Variants in MADD observed in about 807,000 individuals in gnomAD.
The protein encoded by MADD is MAP kinase activating death domain.
MADD carries 109 observed loss-of-function variants against 176.7 expected under a neutral mutation model. The observed-to-expected ratio is 0.62, with a 90% CI of 0.53 to 0.72. MADD has a LOEUF of 0.72. Among genes scored for constraint, MADD ranks in the 30% least tolerant of loss-of-function variants. MADD has a pLI of 0.00. For synonymous variants in MADD, 771 were observed against 771.3 expected (o/e 1.00, Z 0.01); for missense variants, 1,914 against 2,045.5 (o/e 0.94, Z 1.24).
intron 23 of MADD, 48 bp downstream of exon 26, chr11:47,309,090 G>A: frequency 6.2e-7 from 1 of 1,604,560 alleles, no homozygotes. Flanking sequence ...TCCTTGGGAG[G>A]GACTGGGCCT....
At chr11:47,275,331 G>A (rs1036152069) in intron 3 of MADD, among the ~76,000 whole-genome samples, 172 bp downstream of exon 3, 1 of 152,192 alleles carries the variant, frequency 6.6e-6, no homozygotes, top group Non-Finnish European at 1.5e-5. Context: ...TCGCTCTGTT[G>A]CCCAGGCTGG....
At chr11:47,310,328 T>C (rs1414011329) in intron 25 of MADD, among the ~76,000 whole-genome samples, 4 of 150,246 alleles carry the variant, frequency 2.7e-5, no homozygotes, top group African/African-American at 7.4e-5. Context: ...ATTACAGGCA[T>C]CTACCACCAT....
chr11:47,316,385 CT>C (rs1008702414), intron 27 of MADD, among the ~76,000 whole-genome samples: 29 of 130,188 alleles, frequency 2.2e-4, no homozygotes, highest in East Asian at 4.2e-4. Context: ...TTTTCTTTTT[CT>C]TTTTTTTTTT....
intron 27 of MADD, among the ~76,000 whole-genome samples, chr11:47,315,550 C>G (rs1395415582): frequency 6.6e-6 from 1 of 152,094 alleles, no homozygotes; most frequent in Non-Finnish European, 1.5e-5. Flanking sequence ...TCTCGGCTCA[C>G]TGCAACCTCC....
At chr11:47,311,834 G>A (rs1304007907) in exon 26 of MADD, 1 of 1,612,326 alleles carries the variant, frequency 6.2e-7, no homozygotes, top group Non-Finnish European at 8.5e-7. Flanking sequence ...TGATCAGCTG[G>A]CGAACCTGGT....
chr11:47,285,008 T>C (rs1346502847), exon 13 of MADD: 2 of 1,614,092 alleles, frequency 1.2e-6, no homozygotes, highest in Non-Finnish European at 1.7e-6. Context: ...CTCCCTTCCG[T>C]GCCTCCCAGC....
chr11:47,291,394 A>G (rs1370483461), intron 19 of MADD, among the ~76,000 whole-genome samples: 1 of 152,124 alleles, frequency 6.6e-6, no homozygotes, highest in African/African-American at 2.4e-5. Context: ...CTCCGTTCCC[A>G]CAAAGGCAGT....
intron 5 of MADD, among the ~76,000 whole-genome samples, chr11:47,277,222 A>G (rs569651402): frequency 2.6e-5 from 4 of 152,326 alleles, no homozygotes; most frequent in African/African-American, 4.8e-5. Context: ...TTTTCTATAC[A>G]TATATACCGG....
At chr11:47,324,515 G>A in exon 30 of MADD, 15 of 1,614,156 alleles carry the variant, frequency 9.3e-6, no homozygotes, top group Non-Finnish European at 1.3e-5. Flanking sequence ...CCTGAAGACT[G>A]GTGAGGGTGG....
chr11:47,284,442 TC>T lies in MADD; in HGVS notation c.2035del (p.Gln679ArgfsTer55). The T allele has an allele frequency of 6.2e-7, 1 of 1,613,856 alleles. No homozygotes were observed. The highest frequency in any genetic ancestry group is 1.1e-5 in the South Asian group (1 of 91,078). On this transcript the variant is annotated frameshift_variant, in exon 12 of 33. Coordinates refer to ENST00000402192, the Ensembl canonical transcript of MADD. LOFTEE classifies it high-confidence loss of function. ...AGGTGGAGATTGACGAGCTGCAGAA[TC>T]AGAAGGAAGCAGAAGAGCCTGGCCC...
intron 22 of MADD, 143 bp from the exon 25 acceptor site, chr11:47,308,448 T>A (rs2084932528): frequency 3.5e-6 from 2 of 578,782 alleles, no homozygotes. Context: ...GCAGCGTAAG[T>A]GGACTTGCAG....
intron 22 of MADD, among the ~76,000 whole-genome samples, chr11:47,296,761 G>GTTTTTTT (rs1386329077): frequency 4.3e-5 from 5 of 116,104 alleles, no homozygotes; most frequent in Non-Finnish European, 5.3e-5. Context: ...TCTGTTTTTT[G>GTTTTTTT]TTGTTTTTTT....
At chr11:47,329,932 G>T (rs1236625307) in exon 33 of MADD, 1 of 152,676 alleles carries the variant, frequency 6.5e-6, no homozygotes. Context: ...GGGAGAGACA[G>T]CCTGGGTATG....
intron 19 of MADD, 160 bp from the exon 21 acceptor site, chr11:47,292,382 GT>G: frequency 1.4e-6 from 1 of 698,270 alleles, no homozygotes; most frequent in Non-Finnish European, 2.6e-6. Flanking sequence ...TAGATCTCTT[GT>G]TTTCTGCCCC....
At chr11:47,326,129 G>A (rs1423947756) in intron 30 of MADD, among the ~76,000 whole-genome samples, 4 of 135,298 alleles carry the variant, frequency 3.0e-5, no homozygotes, top group African/African-American at 1.3e-4. Context: ...GTTTCCTCAT[G>A]TAGAAAATGG....
rs548716547 is a variant in MADD, at chr11:47,319,605, C to T, written c.4198-4066C>T. On this transcript the variant is annotated intron_variant, in intron 27 of 32. Coordinates refer to ENST00000402192, the Ensembl canonical transcript of MADD. ...CAGTAATGAAGAGTTTTATGTGACT[C>T]CTTTCAGATTATTGAAAATGCATAT... Among the ~76,000 whole-genome samples the T allele has an allele frequency of 5.5e-4, 83 of 152,228 alleles. 1 individual carries two copies. Among genetic ancestry groups the T allele is most frequent in the Admixed American group, 4.4e-3 (68 of 15,288 alleles).
intron 22 of MADD, among the ~76,000 whole-genome samples, chr11:47,307,586 C>T (rs956508312): frequency 3.3e-5 from 5 of 152,052 alleles, no homozygotes; most frequent in African/African-American, 1.2e-4. Context: ...TCTCTACTTA[C>T]TCTATTTCAT....
At chr11:47,295,761 A>G in intron 21 of MADD, 136 bp from the exon 24 acceptor site, 3 of 1,521,418 alleles carry the variant, frequency 2.0e-6, no homozygotes, top group Non-Finnish European at 2.6e-6. Flanking sequence ...CATCTTATAA[A>G]GAAGGTACTT....
exon 3 of MADD, chr11:47,274,890 G>A (rs763406115): frequency 6.2e-7 from 1 of 1,614,046 alleles, no homozygotes; most frequent in Non-Finnish European, 8.5e-7. Context: ...CCTCAGAAGA[G>A]GGTGGCACTG....
Sources: allele counts gnomAD v4.1 joint callset (sites outside exome capture counted in the v4.1 genomes callset), GRCh38; gene constraint gnomAD v4.1.1; transcripts MANE v1.5; gene names NCBI Gene and HGNC (gene_info 2026-07-23, HGNC 2026-07-21).